The following CIT variants were observed in gnomAD, a reference collection of about 807,000 sequenced individuals.
CIT encodes citron Rho-interacting kinase.
Under a neutral mutation model 272.7 loss-of-function variants are expected in CIT, and 79 were observed. The observed-to-expected ratio is 0.29, with a 90% CI of 0.24 to 0.35. The LOEUF (loss-of-function observed/expected upper bound fraction) is 0.35. Among genes scored for constraint, CIT ranks in the 10% least tolerant of loss-of-function variants. The pLI is 1.00. For synonymous variants in CIT, 948 were observed against 995.6 expected, an observed-to-expected ratio of 0.95 and a Z score of 0.90; for missense variants, 1,909 against 2,618.3, an observed-to-expected ratio of 0.73 and a Z score of 5.91.
intron 23 of CIT, among the ~76,000 whole-genome samples, chr12:119,749,273 A>G (rs1012292074): frequency 3.3e-5 from 5 of 152,222 alleles, no homozygotes; most frequent in African/African-American, 1.2e-4. Context: ...TTTATTGACA[A>G]AACAGCCTGC....
chr12:119,703,077 A>G (rs1956679933), intron 41 of CIT, among the ~76,000 whole-genome samples: 1 of 152,348 alleles, frequency 6.6e-6, no homozygotes, highest in East Asian at 1.9e-4. Flanking sequence ...TCTAGTGAGC[A>G]TTATCATCAT....
intron 5 of CIT, among the ~76,000 whole-genome samples, chr12:119,849,531 T>C (rs1970058172): frequency 6.6e-6 from 1 of 152,242 alleles, no homozygotes; most frequent in Non-Finnish European, 1.5e-5. Flanking sequence ...TTATCATTTT[T>C]TTAATCCTAA....
At chr12:119,839,513 A>G (rs1021290760) in intron 5 of CIT, among the ~76,000 whole-genome samples, 1 of 152,190 alleles carries the variant, frequency 6.6e-6, no homozygotes, top group African/African-American at 2.4e-5. Flanking sequence ...TCCTCAAAGC[A>G]GAGTGGCCTC....
intron 13 of CIT, among the ~76,000 whole-genome samples, chr12:119,779,219 CA>C (rs1964066075): frequency 6.6e-6 from 1 of 151,876 alleles, no homozygotes; most frequent in African/African-American, 2.4e-5. Context: ...GACTCTATCT[CA>C]AATTAATTAA....
At chr12:119,752,930 G>C (rs1960445018) in intron 22 of CIT, among the ~76,000 whole-genome samples, 1 of 152,176 alleles carries the variant, frequency 6.6e-6, no homozygotes, top group Non-Finnish European at 1.5e-5. Context: ...CAACGGTCAG[G>C]ACATGTAGGG....
At chr12:119,857,758 A>T in intron 3 of CIT, 60 bp from the exon 4 acceptor site, 1 of 1,415,692 alleles carries the variant, frequency 7.1e-7, no homozygotes, top group Non-Finnish European at 9.6e-7. Context: ...ATGCATCTTT[A>T]TGAAAGAAAA....
chr12:119,814,998 A>G (rs1967012943), intron 9 of CIT, among the ~76,000 whole-genome samples: 1 of 149,744 alleles, frequency 6.7e-6, no homozygotes. Context: ...AGATCGTGCC[A>G]CTGCACTCCA....
chr12:119,733,355 C>T (rs1170785576), intron 26 of CIT, among the ~76,000 whole-genome samples: 1 of 151,744 alleles, frequency 6.6e-6, no homozygotes, highest in Non-Finnish European at 1.5e-5. Flanking sequence ...CACGGTGAAA[C>T]CCCGTCTCTA....
At position 119,728,444 on chromosome 12, in the gene CIT, G is replaced by A. The variant is rs1958246456; in HGVS notation, c.3591+58C>T. On this transcript the variant is annotated intron_variant, in intron 28 of 47. Coordinates refer to ENST00000392521, the MANE Select transcript of CIT (RefSeq NM_001206999.2). This position sits in a 1 kb window ranked among gnomAD's most constrained non-coding sequence, Gnocchi z 4.3. ...CCTAAAGCTGCTCCAAAAAAAAGAA[G>A]CCTATTAAAAGAAAAAAAAAATCCA... 1 of 1,074,624 alleles carries A rather than the reference G, an allele frequency of 9.3e-7. No homozygotes were observed. The highest frequency in any genetic ancestry group is 1.4e-6 in the Non-Finnish European group (1 of 717,954). The allele number at this position is 1,074,624 out of a possible 1,614,324, so 66.6% of individuals were successfully genotyped here. A position where few individuals can be genotyped will look rare whatever the true frequency, so the allele number is the denominator to read the frequency against.
rs546730297 is a variant in CIT at position 119,721,455 on chromosome 12, G to A, written c.3592-6C>T. ...TGCTGCTGTAATTTGGCTTGCTAGT[G>A]GGGAGAAGGGCCAGGGAAATGCTTG... On this transcript the variant is annotated splice_polypyrimidine_tract_variant and splice_region_variant and intron_variant, in intron 28 of 47. Coordinates refer to ENST00000392521, the MANE Select transcript of CIT (RefSeq NM_001206999.2). The A allele has an allele frequency of 2.5e-6, 4 of 1,600,064 alleles. No individual in the cohort carries two copies. Among genetic ancestry groups the A allele is most frequent in the Non-Finnish European group, 3.4e-6 (4 of 1,168,724 alleles).
At chr12:119,739,835 C>T (rs535918417) in intron 24 of CIT, among the ~76,000 whole-genome samples, 19 of 152,248 alleles carry the variant, frequency 1.2e-4, no homozygotes, top group East Asian at 7.7e-4. Context: ...AATGTGGATA[C>T]GTGGTATACT....
rs1196566080 is a variant in CIT, at chr12:119,757,757, C to A, written c.2532-212G>T. On this transcript the variant is annotated intron_variant, in intron 21 of 47. Transcript: ENST00000392521. ...CCATTTACTCATCACCACTCAGTGT[C>A]AGTCCCTCACATATGGGATTAAGTA... Among the ~76,000 whole-genome samples the A allele has an allele frequency of 2.0e-5, 3 of 152,210 alleles. No individual in the cohort carries two copies. The South Asian group carries it at 6.2e-4, about 32-fold the overall frequency.
At chr12:119,831,689 GA>G (rs1968644704) in intron 7 of CIT, among the ~76,000 whole-genome samples, 1 of 152,112 alleles carries the variant, frequency 6.6e-6, no homozygotes, top group African/African-American at 2.4e-5. Context: ...CTAACACGGT[GA>G]AACCCCGTCT....
chr12:119,875,506 G>A (rs552475031), intron 2 of CIT, among the ~76,000 whole-genome samples: 93 of 152,150 alleles, frequency 6.1e-4, no homozygotes, highest in African/African-American at 2.0e-3. Flanking sequence ...TGCTTTGGGA[G>A]GCCAAGGCAA....
At chr12:119,851,686 A>C (rs1970230271) in intron 4 of CIT, among the ~76,000 whole-genome samples, 1 of 152,250 alleles carries the variant, frequency 6.6e-6, no homozygotes. Flanking sequence ...ATCCAAGTCC[A>C]CATAGATATA....
At chr12:119,836,409 TC>T (rs1443339243) in intron 5 of CIT, among the ~76,000 whole-genome samples, 5 of 149,560 alleles carry the variant, frequency 3.3e-5, no homozygotes, top group Non-Finnish European at 7.4e-5. Flanking sequence ...CTCACCCCAG[TC>T]CTCGAGGAGC....
At chr12:119,752,287 G>T (rs760513414) in intron 22 of CIT, 40 bp from the exon 23 acceptor site, 3 of 1,545,800 alleles carry the variant, frequency 1.9e-6, no homozygotes, top group Non-Finnish European at 2.6e-6. Flanking sequence ...ATAAACCCTT[G>T]CTTGGTCTGA....
At chr12:119,843,842 G>A (rs1207372213) in intron 5 of CIT, among the ~76,000 whole-genome samples, 4 of 151,946 alleles carry the variant, frequency 2.6e-5, no homozygotes, top group African/African-American at 7.2e-5. Context: ...CCAAGGGAGC[G>A]TGATATGTAA....
At chr12:119,711,275 G>A (rs940948447) in intron 37 of CIT, among the ~76,000 whole-genome samples, 5 of 152,200 alleles carry the variant, frequency 3.3e-5, no homozygotes, top group Admixed American at 2.0e-4. Context: ...GAGCTGTTTG[G>A]TCTTCGCTGG....
Sources: allele counts gnomAD v4.1 joint callset (sites outside exome capture counted in the v4.1 genomes callset), GRCh38; gene constraint gnomAD v4.1.1; non-coding constraint Gnocchi (gnomAD v3.1); transcripts MANE v1.5; gene names NCBI Gene and HGNC (gene_info 2026-07-23, HGNC 2026-07-21).